The following INPP4B variants were observed in gnomAD, a reference collection of about 807,000 sequenced individuals.
The protein encoded by INPP4B is inositol polyphosphate-4-phosphatase type II B.
In INPP4B, 55 loss-of-function variants were observed where a neutral mutation model predicts 122.5. That is an observed-to-expected ratio of 0.45 (90% CI 0.36 to 0.56). The LOEUF is 0.56. INPP4B is among the 20% of genes least tolerant of loss of function. INPP4B has a pLI of 0.00. For missense variants in INPP4B, 1,000 were observed against 1,097.7 expected, an observed-to-expected ratio of 0.91 and a Z score of 1.26; for synonymous variants, 403 against 388.7, an observed-to-expected ratio of 1.04 and a Z score of -0.43.
At chr4:142,080,284 T>C (rs1171022792) in intron 25 of INPP4B, among the ~76,000 whole-genome samples, 1 of 152,110 alleles carries the variant, frequency 6.6e-6, no homozygotes, top group Non-Finnish European at 1.5e-5. Flanking sequence ...TATGAGCCTG[T>C]ATTGTAAGGC....
At chr4:142,413,412 C>T (rs1247691061) in intron 5 of INPP4B, among the ~76,000 whole-genome samples, 1 of 152,052 alleles carries the variant, frequency 6.6e-6, no homozygotes, top group East Asian at 1.9e-4. Context: ...AGTGAATAAA[C>T]ACACAGACAA....
At chr4:142,593,243 C>T (rs922525917) in intron 2 of INPP4B, among the ~76,000 whole-genome samples, 1 of 151,838 alleles carries the variant, frequency 6.6e-6, no homozygotes, top group Admixed American at 6.6e-5. Flanking sequence ...AAGTTTAATC[C>T]TCACAGATGA....
rs146629838 is a variant in INPP4B at position 142,392,030 on chromosome 4, C to G, written c.372+10908G>C. On this transcript the variant is annotated intron_variant, in intron 7 of 25. Coordinates refer to ENST00000262992, the MANE Select transcript of INPP4B (RefSeq NM_001101669.3). ...TTTATGGTTCACTGAGGACAGTCAA[C>G]CTCTTCACAATCTAGAACCCAAAGA... 5.3e-4 allele frequency among the ~76,000 whole-genome samples: 81 copies of G among 152,272 alleles called. 1 individual carries two copies. Among genetic ancestry groups the G allele is most frequent in the Admixed American group, 2.3e-3 (35 of 15,306 alleles).
chr4:142,731,878 A>C (rs182599891), intron 1 of INPP4B, among the ~76,000 whole-genome samples: 47 of 152,326 alleles, frequency 3.1e-4, no homozygotes, highest in African/African-American at 1.0e-3. Flanking sequence ...AAATTGCATC[A>C]TCTCAATAGC....
intron 1 of INPP4B, among the ~76,000 whole-genome samples, chr4:142,735,099 A>AAC (rs1226173996): frequency 6.6e-6 from 1 of 152,228 alleles, no homozygotes; most frequent in African/African-American, 2.4e-5. Context: ...CTTTCCCTAG[A>AAC]ACACATTCTG....
chr4:142,730,815 C>G (rs1051765946), intron 1 of INPP4B, among the ~76,000 whole-genome samples: 1 of 152,102 alleles, frequency 6.6e-6, no homozygotes, highest in Non-Finnish European at 1.5e-5. Flanking sequence ...GGAGAAGGTA[C>G]CTGTTAAGTG....
At chr4:142,798,707 G>T (rs1777602929) in intron 1 of INPP4B, among the ~76,000 whole-genome samples, 1 of 151,830 alleles carries the variant, frequency 6.6e-6, no homozygotes, top group Non-Finnish European at 1.5e-5. Context: ...ATTGCATAAT[G>T]AGATAAACTA....
chr4:142,413,040 G>T (rs1000998616), intron 5 of INPP4B, among the ~76,000 whole-genome samples: 1 of 152,126 alleles, frequency 6.6e-6, no homozygotes. Flanking sequence ...CTTAACTTTT[G>T]TGTGGGAGAT....
chr4:142,689,850 T>G (rs1029877468), intron 2 of INPP4B, among the ~76,000 whole-genome samples: 15 of 152,186 alleles, frequency 9.9e-5, no homozygotes, highest in Non-Finnish European at 2.2e-4. Context: ...GAGATTTATT[T>G]TCCCCTTTTC....
intron 7 of INPP4B, among the ~76,000 whole-genome samples, chr4:142,385,672 C>T (rs1284597911): frequency 6.6e-6 from 1 of 152,110 alleles, no homozygotes; most frequent in Non-Finnish European, 1.5e-5. Context: ...ATTCTGTTTG[C>T]CTTCATAAAA....
chr4:142,840,540 A>C (rs1783353527), intron 1 of INPP4B, among the ~76,000 whole-genome samples: 1 of 152,158 alleles, frequency 6.6e-6, no homozygotes, highest in Admixed American at 6.5e-5. Context: ...TATTACAATC[A>C]AATCTTTAAA....
intron 15 of INPP4B, among the ~76,000 whole-genome samples, chr4:142,188,981 A>G (rs2153003247): frequency 6.6e-6 from 1 of 152,298 alleles, no homozygotes; most frequent in South Asian, 2.1e-4. Flanking sequence ...TTCCTGGTTT[A>G]TCGGATGTCT....
chr4:142,194,948 A>C (rs976432121), intron 14 of INPP4B, among the ~76,000 whole-genome samples: 1 of 152,212 alleles, frequency 6.6e-6, no homozygotes, highest in Non-Finnish European at 1.5e-5. Flanking sequence ...GAAAAGAAAA[A>C]TGATGCTGGG....
intron 7 of INPP4B, among the ~76,000 whole-genome samples, chr4:142,370,066 T>C (rs947723105): frequency 1.1e-4 from 16 of 152,176 alleles, no homozygotes; most frequent in African/African-American, 3.6e-4. Flanking sequence ...ATTGCTTGCT[T>C]AAACAGTATT....
chr4:142,269,647 G>A (rs773407706), intron 10 of INPP4B, among the ~76,000 whole-genome samples: 2 of 152,098 alleles, frequency 1.3e-5, no homozygotes, highest in African/African-American at 2.4e-5. Flanking sequence ...GTGAGTTATT[G>A]AGCAAAATGG....
intron 11 of INPP4B, among the ~76,000 whole-genome samples, chr4:142,247,262 T>C (rs1729369249): frequency 6.6e-6 from 1 of 152,144 alleles, no homozygotes; most frequent in South Asian, 2.1e-4. Flanking sequence ...TTTCTTTTTT[T>C]GTTGTGTCTC....
chr4:142,083,326 G>T (rs1775076394), intron 24 of INPP4B, among the ~76,000 whole-genome samples: 1 of 152,006 alleles, frequency 6.6e-6, no homozygotes, highest in Admixed American at 6.6e-5. Context: ...TTCCTCTATG[G>T]TTCTTTCTTT....
At chr4:142,644,740 T>TAAAAAAAA (rs55700762) in intron 2 of INPP4B, among the ~76,000 whole-genome samples, 2 of 71,066 alleles carry the variant, frequency 2.8e-5, no homozygotes, top group African/African-American at 1.1e-4. Flanking sequence ...CATCTCTACT[T>TAAAAAAAA]AAAAAAAAAA....
intron 2 of INPP4B, among the ~76,000 whole-genome samples, chr4:142,490,115 C>G (rs1024131185): frequency 6.6e-6 from 1 of 151,766 alleles, no homozygotes; most frequent in Non-Finnish European, 1.5e-5. Flanking sequence ...TCTTGCTCTG[C>G]TACTCAGGCT....
Sources: allele counts gnomAD v4.1 joint callset (sites outside exome capture counted in the v4.1 genomes callset), GRCh38; gene constraint gnomAD v4.1.1; transcripts MANE v1.5; gene names NCBI Gene and HGNC (gene_info 2026-07-23, HGNC 2026-07-21).